FSAF1: variants seen among roughly 807,000 people sequenced by gnomAD.
FSAF1 encodes the protein uncharacterized protein C1orf131.
the FSAF1 span, chr1:231,225,311 T>G: frequency 6.8e-5 from 44 of 651,104 alleles, no homozygotes; most frequent in Middle Eastern, 2.3e-3. Context: ...TTGTTTGATC[T>G]TGGGCAGTTT....
chr1:231,227,194 C>A, the FSAF1 span: 2 of 964,492 alleles, frequency 2.1e-6, no homozygotes, highest in African/African-American at 1.6e-5. Context: ...AATAATAACT[C>A]CACTGTCATG....
At chr1:231,229,040 T>A in the FSAF1 span, 1 of 658,868 alleles carries the variant, frequency 1.5e-6, no homozygotes, top group Non-Finnish European at 2.5e-6. Flanking sequence ...ACTACATAGT[T>A]TGCATGTTAT....
At chr1:231,238,815 CA>C in the FSAF1 span, 5 of 1,532,496 alleles carry the variant, frequency 3.3e-6, no homozygotes, top group South Asian at 5.9e-5. Context: ...ACTACAATAC[CA>C]GGGGGTTCAC....
At chr1:231,225,757 G>C in the FSAF1 span, 2 of 529,812 alleles carry the variant, frequency 3.8e-6, no homozygotes, top group Non-Finnish European at 6.8e-6. Context: ...AGGAAGCCAA[G>C]GGGGGAGGAT....
the FSAF1 span, chr1:231,229,018 C>T: frequency 1.8e-6 from 1 of 544,490 alleles, no homozygotes; most frequent in South Asian, 3.6e-5. Context: ...TTTTATAATA[C>T]CTAACATCTA....
the FSAF1 span, chr1:231,226,787 C>T: frequency 1.9e-6 from 3 of 1,610,840 alleles, no homozygotes; most frequent in African/African-American, 1.3e-5. Flanking sequence ...TAATTTGCTC[C>T]TGTAAAACCT....
At chr1:231,226,720 G>T in the FSAF1 span, 1 of 1,574,966 alleles carries the variant, frequency 6.3e-7, no homozygotes. Flanking sequence ...TTGAATAAAG[G>T]ACAGACCATC....
chr1:231,239,902 T>C, the FSAF1 span, among the ~76,000 whole-genome samples: 2 of 152,262 alleles, frequency 1.3e-5, no homozygotes, highest in Non-Finnish European at 2.9e-5. Context: ...GCTCCTACCA[T>C]GATTTCCAGC....
the FSAF1 span, chr1:231,239,095 T>G: frequency 6.2e-7 from 1 of 1,614,046 alleles, no homozygotes; most frequent in Admixed American, 1.7e-5. Context: ...GGGAGATGGC[T>G]CTGCTGCCAA....
chr1:231,241,060 G>C, the FSAF1 span: 157,136 of 1,614,004 alleles, frequency 0.097, 8,455 homozygotes, highest in Admixed American at 0.2. Flanking sequence ...GCGTCAAGAA[G>C]TGTCGGAGAA....
chr1:231,240,942 G>T, the FSAF1 span: 1 of 1,279,460 alleles, frequency 7.8e-7, no homozygotes, highest in Non-Finnish European at 1.1e-6. The surrounding 1 kb of genome is among the most constrained non-coding windows in gnomAD (Gnocchi z 4.1). Context: ...TCAAAGCAGA[G>T]GCCAACCCAG....
At chr1:231,240,989 G>C in the FSAF1 span, 3 of 1,577,918 alleles carry the variant, frequency 1.9e-6, no homozygotes, top group Non-Finnish European at 2.6e-6. This position sits in a 1 kb window ranked among gnomAD's most constrained non-coding sequence, Gnocchi z 4.1. Flanking sequence ...CCTCAAATCT[G>C]TTCTCCACGT....
At chr1:231,240,103 C>T in the FSAF1 span, among the ~76,000 whole-genome samples, 1 of 152,196 alleles carries the variant, frequency 6.6e-6, no homozygotes, top group Non-Finnish European at 1.5e-5. The surrounding 1 kb of genome is among the most constrained non-coding windows in gnomAD (Gnocchi z 4.1). Flanking sequence ...AGTCAGACAA[C>T]CTGCATCAGG....
At chr1:231,227,188 A>T in the FSAF1 span, 1 of 1,004,786 alleles carries the variant, frequency 1.0e-6, no homozygotes, top group South Asian at 1.4e-5. Context: ...TACAGGAATA[A>T]TAACTCCACT....
At chr1:231,224,081 A>G in the FSAF1 span, 1 of 524,700 alleles carries the variant, frequency 1.9e-6, no homozygotes, top group Non-Finnish European at 3.1e-6. Context: ...TTCATGCTGC[A>G]CTGGGCCTGA....
chr1:231,227,036 C>G, the FSAF1 span: 14 of 1,613,978 alleles, frequency 8.7e-6, no homozygotes, highest in African/African-American at 1.6e-4. Flanking sequence ...TTCCATAACC[C>G]GTGATACCAA....
chr1:231,224,348 G>A, the FSAF1 span: 2 of 1,612,728 alleles, frequency 1.2e-6, no homozygotes, highest in African/African-American at 2.7e-5. Context: ...TTCCATTTTT[G>A]AATTTTCCAA....
the FSAF1 span, chr1:231,225,240 A>T: frequency 1.8e-6 from 1 of 569,836 alleles, no homozygotes; most frequent in South Asian, 2.4e-5. Context: ...TCCACTAGTC[A>T]CTTAGAGTGT....
At chr1:231,239,017 T>C in the FSAF1 span, 1 of 1,614,092 alleles carries the variant, frequency 6.2e-7, no homozygotes, top group Non-Finnish European at 8.5e-7. Context: ...ACAATGCCGC[T>C]CTTCTCTAAG....
Sources: allele counts gnomAD v4.1 joint callset (sites outside exome capture counted in the v4.1 genomes callset), GRCh38; gene constraint gnomAD v4.1.1; non-coding constraint Gnocchi (gnomAD v3.1); transcripts MANE v1.5; gene names NCBI Gene and HGNC (gene_info 2026-07-23, HGNC 2026-07-21).